Variants in CCDC77 observed in about 807,000 individuals in gnomAD.
CCDC77 encodes the protein coiled-coil domain containing 77.
Under a neutral mutation model 66.8 loss-of-function variants are expected in CCDC77, and 56 were observed. The ratio of observed to expected loss-of-function variants is 0.84; its 90% confidence interval spans 0.68 to 1.05. The LOEUF is 1.05. Among genes scored for constraint, CCDC77 ranks in the 50% least tolerant of loss-of-function variants. CCDC77 has a pLI of 0.00. For synonymous variants in CCDC77, 196 were observed against 195.2 expected, an observed-to-expected ratio of 1.00 and a Z score of -0.03; for missense variants, 570 against 576.8, an observed-to-expected ratio of 0.99 and a Z score of 0.12.
intron 1 of CCDC77, among the ~76,000 whole-genome samples, chr12:402,727 C>G (rs1428761045): frequency 6.6e-6 from 1 of 152,066 alleles, no homozygotes; most frequent in Non-Finnish European, 1.5e-5. Context: ...GTAGGTAGAA[C>G]CGTTAAGGTG....
At chr12:389,439 C>G in exon 1 of CCDC77, 1 of 473,956 alleles carries the variant, frequency 2.1e-6, no homozygotes. Context: ...TGTCTCCTTG[C>G]CCGCCAAAGT....
chr12:394,845 C>T (rs1944805775), intron 1 of CCDC77, among the ~76,000 whole-genome samples: 1 of 152,148 alleles, frequency 6.6e-6, no homozygotes, highest in Non-Finnish European at 1.5e-5. Context: ...AACATTTATT[C>T]CACATCTCTA....
At chr12:427,104 G>T (rs1945548459) in intron 5 of CCDC77, among the ~76,000 whole-genome samples, 1 of 152,068 alleles carries the variant, frequency 6.6e-6, no homozygotes, top group Non-Finnish European at 1.5e-5. Context: ...AATTAGCTGG[G>T]CATTGTGGCA....
rs1376659004 is a variant in CCDC77, at chr12:442,206, G to GT, written c.*292dup. ...ATCCTGTCTGTATTGACCGGTTTTT[G>GT]TTTTTTCAGAAGGCAGTGATGATGA... On this transcript the variant is annotated 3_prime_UTR_variant, in exon 13 of 13. Coordinates refer to ENST00000239830, the MANE Select transcript of CCDC77 (RefSeq NM_032358.4). 2.1e-5 allele frequency: 5 copies of GT among 243,766 alleles called. No individual in the cohort carries two copies. The highest frequency in any genetic ancestry group is 5.3e-5 in the Admixed American group (1 of 18,940). The allele number at this position is 243,766 out of a possible 1,614,324, so 15.1% of individuals were successfully genotyped here. A position where few individuals can be genotyped will look rare whatever the true frequency, so the allele number is the denominator to read the frequency against.
chr12:389,519 T>A (rs1040251283), intron 1 of CCDC77: 1 of 146,774 alleles, frequency 6.8e-6, no homozygotes, highest in African/African-American at 4.9e-5. Context: ...AAGCTCTTCT[T>A]TACTAGAGGT....
Position 433,340 on chromosome 12 carries a change from C to G in CCDC77, c.821+18C>G. On this transcript the variant is annotated intron_variant, in intron 9 of 12. Transcript: ENST00000239830. ...ACCAAAAAGTGAGTGTCTAAGAAAGCTGTACCTAACGGGTATTGTATTTTT... is the reference window on the plus strand; with the variant it reads ...ACCAAAAAGTGAGTGTCTAAGAAAGGTGTACCTAACGGGTATTGTATTTTT... 6.2e-7 allele frequency: 1 copy of G among 1,612,144 alleles called. No homozygotes were observed. The highest frequency in any genetic ancestry group is 8.5e-7 in the Non-Finnish European group (1 of 1,179,316).
chr12:424,371 CTTT>C (rs35694646), intron 5 of CCDC77, among the ~76,000 whole-genome samples: 5 of 143,096 alleles, frequency 3.5e-5, no homozygotes, highest in Non-Finnish European at 3.1e-5. Context: ...ATTTTCTCCT[CTTT>C]TTTTTTTTTT....
intron 4 of CCDC77, among the ~76,000 whole-genome samples, chr12:413,276 G>A (rs1341995518): frequency 1.4e-5 from 2 of 147,434 alleles, no homozygotes; most frequent in East Asian, 2.0e-4. Context: ...TTACTCTGTC[G>A]CCCAGGCTGG....
At position 427,858 on chromosome 12, in the gene CCDC77, A is replaced by G. The variant is rs1270841644; in HGVS notation, c.414-911A>G. ...GAGTTCTCTGGGAAACAGACTGTAC[A>G]GTGGAGATTTGCTTGCAGGAATTTT... On this transcript the variant is annotated intron_variant, in intron 5 of 12. Coordinates refer to ENST00000239830, the MANE Select transcript of CCDC77 (RefSeq NM_032358.4). Among the ~76,000 whole-genome samples the G allele has an allele frequency of 3.9e-5, 6 of 152,284 alleles. No homozygotes were observed. The South Asian group carries it at 6.2e-4, about 16-fold the overall frequency.
At chr12:417,666 G>A (rs1945312600) in intron 4 of CCDC77, among the ~76,000 whole-genome samples, 2 of 152,256 alleles carry the variant, frequency 1.3e-5, no homozygotes, top group African/African-American at 4.8e-5. Flanking sequence ...TGTAATCCCA[G>A]CACTTTGGGA....
At chr12:422,737 A>G (rs1259088754) in intron 5 of CCDC77, among the ~76,000 whole-genome samples, 6 of 152,184 alleles carry the variant, frequency 3.9e-5, no homozygotes, top group Non-Finnish European at 8.8e-5. Flanking sequence ...CAGCCTCTTG[A>G]GTAACTGGGA....
intron 1 of CCDC77, among the ~76,000 whole-genome samples, chr12:394,333 T>G (rs1944799659): frequency 1.3e-5 from 2 of 152,232 alleles, no homozygotes; most frequent in African/African-American, 4.8e-5. Context: ...AAGGTCCAGA[T>G]TTATCACAGT....
intron 6 of CCDC77, among the ~76,000 whole-genome samples, chr12:429,547 C>T (rs1945608585): frequency 6.6e-6 from 1 of 151,738 alleles, no homozygotes; most frequent in African/African-American, 2.4e-5. Context: ...GCAACCTCCG[C>T]TCTGGGGCTC....
intron 1 of CCDC77, chr12:389,914 C>G (rs1944723403): frequency 6.6e-6 from 1 of 152,292 alleles, no homozygotes; most frequent in Admixed American, 6.5e-5. Context: ...AACCCATCCC[C>G]TAAATCCTGC....
In CCDC77 at chr12:440,665, C is replaced by G; in HGVS notation, c.1090C>G (p.Gln364Glu). ...VQEKKLSNMY[Q>E]EQCISLEEEL... ...AGAGAAAAAGCTGTCCAATATGTAC[C>G]AAGAGCAGTGCATTTCCTTAGAAGA... Residue 364 changes from glutamine (Q) to glutamate (E), a missense_variant, in exon 11 of 13, where the codon CAA becomes GAA. Transcript: ENST00000239830. 6.2e-7 allele frequency: 1 copy of G among 1,614,132 alleles called. No homozygotes were observed. Among genetic ancestry groups the G allele is most frequent in the Non-Finnish European group, 8.5e-7 (1 of 1,180,004 alleles).
intron 8 of CCDC77, among the ~76,000 whole-genome samples, chr12:432,330 A>G (rs1372620768): frequency 6.6e-6 from 1 of 152,192 alleles, no homozygotes; most frequent in Non-Finnish European, 1.5e-5. Context: ...TCCAAAGTCT[A>G]GGAAAGTAAT....
At chr12:439,374 G>A (rs1945818454) in intron 10 of CCDC77, among the ~76,000 whole-genome samples, 1 of 151,860 alleles carries the variant, frequency 6.6e-6, no homozygotes, top group African/African-American at 2.4e-5. Flanking sequence ...ATAAAAATTG[G>A]TGGGGCGTGG....
Position 440,659 on chromosome 12 carries a change from A to G in CCDC77, c.1084A>G (p.Met362Val). The change falls in exon 11 of 13, where the codon ATG becomes GTG. Residue 362 changes from methionine to valine, a missense_variant. Physicochemically the swap from Met to Val is conservative, Grantham distance 21. Transcript: ENST00000239830. The part of the protein sequence containing the change: ...KLVQEKKLSN[M>V]YQEQCISLEE... ...AGTACAAGAGAAAAAGCTGTCCAAT[A>G]TGTACCAAGAGCAGTGCATTTCCTT... The G allele has an allele frequency of 1.9e-6, 3 of 1,614,220 alleles. No individual in the cohort carries two copies. Among genetic ancestry groups the G allele is most frequent in the Non-Finnish European group, 2.5e-6 (3 of 1,180,034 alleles).
chr12:409,022 G>A (rs1027338482), intron 2 of CCDC77, among the ~76,000 whole-genome samples: 27 of 152,006 alleles, frequency 1.8e-4, no homozygotes, highest in Admixed American at 1.6e-3. Context: ...TGGCCAATAT[G>A]GTGAAACCCT....
Sources: allele counts gnomAD v4.1 joint callset (sites outside exome capture counted in the v4.1 genomes callset), GRCh38; gene constraint gnomAD v4.1.1; transcripts MANE v1.5; gene names NCBI Gene and HGNC (gene_info 2026-07-23, HGNC 2026-07-21).